EEF1D: variants seen among roughly 807,000 people sequenced by gnomAD.
EEF1D encodes eukaryotic translation elongation factor 1 delta, also known as elongation factor 1-delta.
Under a neutral mutation model 63.9 loss-of-function variants are expected in EEF1D, and 47 were observed. The ratio of observed to expected loss-of-function variants is 0.74; its 90% CI spans 0.58 to 0.94. EEF1D has a LOEUF of 0.94. Ranked by LOEUF, EEF1D falls within the 40% of genes least tolerant of loss-of-function variation. The probability of loss-of-function intolerance (pLI) is 0.00; values close to 1 mark genes in which losing one functional copy is unlikely to be tolerated. For synonymous variants in EEF1D, 412 were observed against 386.1 expected (o/e 1.07, Z -0.79); for missense variants, 907 against 899.0 (o/e 1.01, Z -0.11).
At chr8:143,592,189 C>T in intron 2 of EEF1D, 7 of 985,472 alleles carry the variant, frequency 7.1e-6, no homozygotes, top group Non-Finnish European at 8.4e-6. Context: ...CGGTGGTACC[C>T]CCACCAGTCT....
chr8:143,586,622 G>T, intron 4 of EEF1D, 107 bp downstream of exon 4: 2 of 1,470,758 alleles, frequency 1.4e-6, no homozygotes, highest in Non-Finnish European at 1.8e-6. Flanking sequence ...CAGAGCCACT[G>T]GGCCAGGGTG....
intron 1 of EEF1D, among the ~76,000 whole-genome samples, chr8:143,593,462 C>T (rs1828305570): frequency 6.6e-6 from 1 of 152,220 alleles, no homozygotes; most frequent in Admixed American, 6.5e-5. Flanking sequence ...GGAGGGGCCA[C>T]CTCCTACTGC....
intron 3 of EEF1D, among the ~76,000 whole-genome samples, chr8:143,588,099 C>A (rs1026323707): frequency 1.3e-5 from 2 of 152,198 alleles, no homozygotes; most frequent in Non-Finnish European, 2.9e-5. Context: ...ACCGTGAACA[C>A]CAGGGCAGGT....
intron 5 of EEF1D, chr8:143,582,660 T>A (rs1371594231): frequency 6.6e-6 from 1 of 152,232 alleles, no homozygotes; most frequent in Non-Finnish European, 1.5e-5. Context: ...CACCACTGCC[T>A]GGCTCTGCGG....
chr8:143,588,631 G>A (rs1203174485), intron 3 of EEF1D, among the ~76,000 whole-genome samples: 2 of 152,150 alleles, frequency 1.3e-5, no homozygotes, highest in Admixed American at 6.5e-5. Context: ...AATGCTTCCC[G>A]CCCCTATAAG....
Position 143,580,565 on chromosome 8 carries a change from T to C in EEF1D, c.1651A>G (p.Lys551Glu). ...REERLRQYAE[K>E]KAKKPALVAK... Reference sequence around the variant, plus strand: ...ACCAGTGCAGGCTTCTTGGCCTTCTTCTCCGCGTACTGCCGTAGCCGCTCC... The same window carrying C: ...ACCAGTGCAGGCTTCTTGGCCTTCTCCTCCGCGTACTGCCGTAGCCGCTCC... Residue 551 changes from lysine to glutamate, a missense_variant, in exon 8 of 10, where the codon AAG becomes GAG. Coordinates refer to ENST00000618139, the MANE Select transcript of EEF1D (RefSeq NM_001130053.5). The C allele has an allele frequency of 6.2e-7, 1 of 1,613,282 alleles. No individual in the cohort carries two copies. The highest frequency in any genetic ancestry group is 8.5e-7 in the Non-Finnish European group (1 of 1,179,842).
At chr8:143,593,941 G>A (rs1828391999) in intron 1 of EEF1D, 7 of 985,108 alleles carry the variant, frequency 7.1e-6, no homozygotes, top group East Asian at 2.3e-4. Flanking sequence ...TTGCGCAGAC[G>A]ACAGGCACGT....
Position 143,589,056 on chromosome 8 carries a change from T to C in EEF1D, c.1026A>G (p.Glu342=), listed in dbSNP as rs769748717. Residue 342 remains glutamate, a synonymous_variant, in exon 3 of 10, where the codon GAA becomes GAG. Transcript: ENST00000618139. ...CGGGTCGGTGAGACAGGGAGGCAGC[T>C]TCGAGGCACCAGGCCACCCGCAGGG... ...AEALRVAWCL[E]AASLSHRPGP... 4.4e-6 allele frequency: 7 copies of C among 1,607,204 alleles called. No homozygotes were observed. The highest frequency in any genetic ancestry group is 5.9e-6 in the Non-Finnish European group (7 of 1,179,514).
At chr8:143,594,259 C>T (rs1828451345) in intron 1 of EEF1D, among the ~76,000 whole-genome samples, 1 of 152,172 alleles carries the variant, frequency 6.6e-6, no homozygotes, top group South Asian at 2.1e-4. Flanking sequence ...GGCAGCTGCC[C>T]AGAGTTTGAG....
chr8:143,586,065 G>A, intron 5 of EEF1D, 154 bp downstream of exon 5: 1 of 600,052 alleles, frequency 1.7e-6, no homozygotes, highest in Non-Finnish European at 3.0e-6. Flanking sequence ...GTCCGGGCAT[G>A]GAGGTCACAG....
intron 5 of EEF1D, chr8:143,583,056 G>A (rs1372862280): frequency 6.6e-6 from 1 of 152,274 alleles, no homozygotes; most frequent in Non-Finnish European, 1.5e-5. Flanking sequence ...ATCTTAGGAT[G>A]TGACCTTATT....
chr8:143,582,970 C>G (rs1288445650), intron 5 of EEF1D: 1 of 152,250 alleles, frequency 6.6e-6, no homozygotes, highest in East Asian at 1.9e-4. Context: ...ACCCCAAATC[C>G]AAGATGAGAC....
At position 143,580,692 on chromosome 8, in the gene EEF1D, G is replaced by C. The variant is rs771248654; in HGVS notation, c.1524C>G (p.Ala508=). 3.1e-6 allele frequency: 5 copies of C among 1,613,734 alleles called. No homozygotes were observed. In the South Asian group the frequency reaches 5.5e-5, roughly 18 times the overall value. The change falls in exon 8 of 10, where the codon GCC becomes GCG. Residue 508 remains alanine, a synonymous_variant. Coordinates refer to ENST00000618139, the MANE Select transcript of EEF1D (RefSeq NM_001130053.5). ...VSPMRQVEPP[A]KKPATPAEDD... ...CCTCTGCTGGTGTGGCTGGCTTCTT[G>C]GCTGGGGGCTCCACTTGGCGCATGG...
At chr8:143,581,617 A>G (rs1825582149) in intron 5 of EEF1D, 1 of 514,464 alleles carries the variant, frequency 1.9e-6, no homozygotes, top group Admixed American at 3.5e-5. Context: ...AATCCTGCTG[A>G]GCAGCCAGGC....
rs1587184232 is a variant in EEF1D at position 143,588,995 on chromosome 8, G to A, written c.1087C>T (p.Pro363Ser). The A allele has an allele frequency of 6.3e-7, 1 of 1,595,754 alleles. No individual in the cohort carries two copies. Among genetic ancestry groups the A allele is most frequent in the East Asian group, 2.2e-5 (1 of 44,750 alleles). ...CACCCAGCACGTTTCTCCTACTTGGGTCTCAGGCTGGACACGGACAGGCCA... is the reference window on the plus strand; with the variant it reads ...CACCCAGCACGTTTCTCCTACTTGGATCTCAGGCTGGACACGGACAGGCCA... ...RSGLSVSSLR[P>S]NRKMATNFLA... Residue 363 changes from proline to serine, a missense_variant, in exon 3 of 10, where the codon CCC becomes TCC. By Grantham distance (74) the Pro-to-Ser change is moderately conservative. Coordinates refer to ENST00000618139, the MANE Select transcript of EEF1D (RefSeq NM_001130053.5).
chr8:143,590,860 T>C (rs1275458336), intron 2 of EEF1D: 1 of 152,118 alleles, frequency 6.6e-6, no homozygotes, highest in East Asian at 1.9e-4. Flanking sequence ...TGAACCGAGA[T>C]GGCGCCACTG....
intron 3 of EEF1D, 43 bp downstream of exon 3, chr8:143,588,948 C>T: frequency 6.4e-7 from 1 of 1,563,792 alleles, no homozygotes; most frequent in Non-Finnish European, 8.6e-7. Context: ...TGTCCCTGTG[C>T]CCACAGCCCA....
intron 1 of EEF1D, among the ~76,000 whole-genome samples, chr8:143,593,402 G>A (rs1186717235): frequency 1.3e-5 from 2 of 152,180 alleles, no homozygotes; most frequent in East Asian, 1.9e-4. Flanking sequence ...GGGCAGCTGG[G>A]CACAGCTGAA....
At position 143,588,512 on chromosome 8, in the gene EEF1D, G is replaced by A. The variant is rs1827160910; in HGVS notation, c.1091+479C>T. Among the ~76,000 whole-genome samples, 5 of 152,222 alleles carry A rather than the reference G, an allele frequency of 3.3e-5. No individual in the cohort carries two copies. The South Asian group carries it at 1.0e-3, about 32-fold the overall frequency. ...TGAGACGCCACCACCTTCCCTCAGA[G>A]GTGGTTTCAGGTGACAAGGAAAGCT... On this transcript the variant is annotated intron_variant, in intron 3 of 9. Transcript: ENST00000618139.
Sources: allele counts gnomAD v4.1 joint callset (sites outside exome capture counted in the v4.1 genomes callset), GRCh38; gene constraint gnomAD v4.1.1; transcripts MANE v1.5; gene names NCBI Gene and HGNC (gene_info 2026-07-23, HGNC 2026-07-21).